The following SLC35F4 variants were observed in gnomAD, a reference collection of about 807,000 sequenced individuals.
The protein encoded by SLC35F4 is solute carrier family 35 member F4.
In SLC35F4, 24 loss-of-function variants were observed where a neutral mutation model predicts 44.2. The ratio of observed to expected loss-of-function variants is 0.54; its 90% confidence interval spans 0.39 to 0.76. SLC35F4 has a LOEUF of 0.76. SLC35F4 is among the 30% of genes least tolerant of loss of function. SLC35F4 has a pLI of 0.00. For synonymous variants in SLC35F4, 238 were observed against 223.6 expected (o/e 1.06, Z -0.57); for missense variants, 562 against 586.1 (o/e 0.96, Z 0.42).
At chr14:57,627,867 C>T (rs548604019) in intron 1 of SLC35F4, among the ~76,000 whole-genome samples, 4 of 151,828 alleles carry the variant, frequency 2.6e-5, no homozygotes, top group South Asian at 4.2e-4. Context: ...TCAATGTCTC[C>T]GAGTCAAAAG....
rs145220875 is a variant in SLC35F4 at position 57,729,361 on chromosome 14, A to C, written c.104-135237T>G. 6.0e-3 allele frequency among the ~76,000 whole-genome samples: 907 copies of C among 152,276 alleles called. 8 individuals carry two copies. The highest frequency in any genetic ancestry group is 0.021 in the African/African-American group (861 of 41,552). On this transcript the variant is annotated intron_variant, in intron 1 of 7. Transcript: ENST00000556826. ...TGGAAATGTGCTGGATAACCCCTGG[A>C]GCCAGCATGTCTCAGAGCCCAAGGC...
intron 1 of SLC35F4, among the ~76,000 whole-genome samples, chr14:57,648,277 G>A (rs1029873112): frequency 3.3e-5 from 5 of 152,134 alleles, no homozygotes; most frequent in Non-Finnish European, 7.4e-5. Flanking sequence ...TGGAATTGAT[G>A]AGTAATTTGT....
intron 1 of SLC35F4, among the ~76,000 whole-genome samples, chr14:57,598,640 C>T (rs1356970705): frequency 6.6e-6 from 1 of 152,176 alleles, no homozygotes; most frequent in Non-Finnish European, 1.5e-5. Flanking sequence ...TTGGAAGATA[C>T]AGATAGATCA....
chr14:57,830,893 T>C (rs922735014), intron 1 of SLC35F4, among the ~76,000 whole-genome samples: 2 of 152,194 alleles, frequency 1.3e-5, no homozygotes, highest in Non-Finnish European at 2.9e-5. Context: ...ACAGTGCCCA[T>C]TTCTGCACAG....
chr14:57,866,913 G>A (rs562578265), upstream of SLC35F4, among the ~76,000 whole-genome samples: 4 of 151,030 alleles, frequency 2.6e-5, no homozygotes, highest in South Asian at 8.4e-4. Flanking sequence ...AGTGAGCAGT[G>A]GAGACGATTC....
At chr14:57,680,237 A>T (rs984237341) in intron 1 of SLC35F4, among the ~76,000 whole-genome samples, 1 of 152,068 alleles carries the variant, frequency 6.6e-6, no homozygotes, top group Admixed American at 6.6e-5. Flanking sequence ...ATCAATAAAC[A>T]TAAACCATCA....
At chr14:57,591,682 T>C (rs2139908522) in intron 2 of SLC35F4, among the ~76,000 whole-genome samples, 1 of 152,352 alleles carries the variant, frequency 6.6e-6, no homozygotes, top group East Asian at 1.9e-4. Flanking sequence ...AGCCCTTAGC[T>C]TTCCATTCAG....
chr14:57,753,896 T>C (rs902817382), intron 1 of SLC35F4, among the ~76,000 whole-genome samples: 28 of 152,078 alleles, frequency 1.8e-4, no homozygotes, highest in African/African-American at 6.5e-4. Flanking sequence ...CAGTTCTATA[T>C]GATTGGTGTC....
chr14:57,871,300 C>G (rs1888292848), intron 1 of SLC35F4, among the ~76,000 whole-genome samples: 1 of 152,202 alleles, frequency 6.6e-6, no homozygotes, highest in South Asian at 2.1e-4. Context: ...AGCCAAAGAT[C>G]TCCCCTGACT....
intron 1 of SLC35F4, among the ~76,000 whole-genome samples, chr14:57,691,670 T>C (rs2038671): frequency 0.15 from 22,608 of 152,254 alleles, 1,896 homozygotes; most frequent in East Asian, 0.29. Context: ...ATTATGTTTT[T>C]CAACTAATAT....
intron 1 of SLC35F4, among the ~76,000 whole-genome samples, chr14:57,671,689 G>A (rs1212732781): frequency 1.3e-5 from 2 of 151,944 alleles, no homozygotes; most frequent in African/African-American, 4.8e-5. Flanking sequence ...AACTCCTTCT[G>A]CTTGAAAAAA....
At chr14:57,610,521 T>C (rs905779948) in intron 1 of SLC35F4, among the ~76,000 whole-genome samples, 2 of 152,210 alleles carry the variant, frequency 1.3e-5, no homozygotes, top group African/African-American at 4.8e-5. Flanking sequence ...AACTTCGGTT[T>C]TTCAACTTTA....
chr14:57,630,392 T>C (rs1224691226), intron 1 of SLC35F4: 6 of 656,854 alleles, frequency 9.1e-6, no homozygotes, highest in Non-Finnish European at 1.7e-5. Context: ...ATATGATAGA[T>C]TCAAACACTG....
chr14:57,585,355 C>G (rs755151058), intron 3 of SLC35F4, among the ~76,000 whole-genome samples: 9 of 152,020 alleles, frequency 5.9e-5, no homozygotes, highest in Non-Finnish European at 1.3e-4. Context: ...AATAATAAGA[C>G]CTATTTATGA....
chr14:57,657,006 G>A (rs1031151764), intron 1 of SLC35F4, among the ~76,000 whole-genome samples: 7 of 152,312 alleles, frequency 4.6e-5, no homozygotes, highest in African/African-American at 1.7e-4. Context: ...CTGAGCATAG[G>A]CACTTACACG....
intron 1 of SLC35F4, among the ~76,000 whole-genome samples, chr14:57,819,239 G>A (rs1882916431): frequency 6.6e-6 from 1 of 151,258 alleles, no homozygotes; most frequent in African/African-American, 2.4e-5. Context: ...CCATAATATT[G>A]GATTCAAAAA....
In SLC35F4 at chr14:57,922,416, C is replaced by T. The variant is rs1889460351; in HGVS notation, n.282+59497G>A. ...GTAATGACTACAGAATCCTTCTCAACACGGTACCCCATACAACTACTACTA... is the reference window on the plus strand; with the variant it reads ...GTAATGACTACAGAATCCTTCTCAATACGGTACCCCATACAACTACTACTA... On this transcript the variant is annotated intron_variant and non_coding_transcript_variant, in intron 1 of 1. Transcript: ENST00000556568. Among the ~76,000 whole-genome samples, 3 of 152,274 alleles carry T rather than the reference C, an allele frequency of 2.0e-5. No homozygotes were observed. In the South Asian group the frequency reaches 6.2e-4, roughly 32 times the overall value.
chr14:57,587,913 C>T (rs941153887), intron 3 of SLC35F4, among the ~76,000 whole-genome samples: 2 of 148,320 alleles, frequency 1.3e-5, no homozygotes, highest in East Asian at 2.0e-4. Context: ...AGGCCAGGCA[C>T]GCTGGCTCAC....
chr14:57,955,791 G>C (rs753428133), intron 1 of SLC35F4, among the ~76,000 whole-genome samples: 5 of 152,096 alleles, frequency 3.3e-5, no homozygotes, highest in African/African-American at 4.8e-5. Flanking sequence ...AAATAAGAGA[G>C]GACACAAACA....
Sources: gnomAD v4.1 joint callset for allele counts (sites outside exome capture counted in the v4.1 genomes callset) on GRCh38, gnomAD v4.1.1 for gene constraint, MANE v1.5 for transcripts, NCBI Gene and HGNC (gene_info 2026-07-23, HGNC 2026-07-21) for gene names.